MAGI2: variants seen among roughly 807,000 people sequenced by gnomAD.
MAGI2 encodes membrane associated guanylate kinase, WW and PDZ domain containing 2, also known as membrane-associated guanylate kinase, WW and PDZ domain-containing protein 2.
A neutral mutation model predicts 133.3 loss-of-function variants in MAGI2; 35 were observed. The ratio of observed to expected loss-of-function variants is 0.26; its 90% CI spans 0.20 to 0.35. MAGI2 has a LOEUF of 0.35. Ranked by LOEUF, MAGI2 falls within the 10% of genes least tolerant of loss-of-function variation. The pLI is 1.00. For synonymous variants in MAGI2, 729 were observed against 710.6 expected (o/e 1.03, Z -0.41); for missense variants, 1,636 against 1,863.4 (o/e 0.88, Z 2.25).
At chr7:78,183,141 T>C (rs1015738200) in intron 13 of MAGI2, among the ~76,000 whole-genome samples, 4 of 152,182 alleles carry the variant, frequency 2.6e-5, no homozygotes, top group African/African-American at 9.7e-5. Flanking sequence ...GTAAAGTTAA[T>C]AATATACCTT....
chr7:78,545,453 C>G (rs1227697426), intron 3 of MAGI2, among the ~76,000 whole-genome samples: 1 of 151,884 alleles, frequency 6.6e-6, no homozygotes, highest in Non-Finnish European at 1.5e-5. Flanking sequence ...CCTCAGTGAT[C>G]CACTCACCTC....
At chr7:78,675,060 A>G (rs1018807867) in intron 2 of MAGI2, among the ~76,000 whole-genome samples, 3 of 152,208 alleles carry the variant, frequency 2.0e-5, no homozygotes, top group African/African-American at 7.2e-5. Context: ...AAAAAACTTC[A>G]GAACTATAGA....
chr7:78,308,868 A>T (rs576377953), intron 9 of MAGI2, among the ~76,000 whole-genome samples: 4 of 152,242 alleles, frequency 2.6e-5, no homozygotes, highest in Admixed American at 6.5e-5. Context: ...TACATAGTTT[A>T]TCTGGTAATT....
intron 20 of MAGI2, among the ~76,000 whole-genome samples, chr7:78,095,772 A>G (rs1281181236): frequency 1.3e-5 from 2 of 152,172 alleles, no homozygotes; most frequent in African/African-American, 4.8e-5. Flanking sequence ...TGGCCTCACT[A>G]TTGGTGACTC....
At chr7:78,109,443 TA>T (rs1420222936) in intron 20 of MAGI2, among the ~76,000 whole-genome samples, 1 of 145,214 alleles carries the variant, frequency 6.9e-6, no homozygotes, top group Non-Finnish European at 1.5e-5. Flanking sequence ...CCATCCTGGC[TA>T]AAATGGTGAA....
At chr7:79,017,736 C>T (rs1808879463) in intron 1 of MAGI2, among the ~76,000 whole-genome samples, 1 of 152,114 alleles carries the variant, frequency 6.6e-6, no homozygotes, top group Admixed American at 6.5e-5. Flanking sequence ...ATTATATGAA[C>T]AAACTGATCT....
chr7:78,919,973 A>T (rs1799102989), intron 2 of MAGI2, among the ~76,000 whole-genome samples: 1 of 152,104 alleles, frequency 6.6e-6, no homozygotes, highest in African/African-American at 2.4e-5. Flanking sequence ...AAGAGGGATC[A>T]TATTTAGAGC....
intron 2 of MAGI2, among the ~76,000 whole-genome samples, chr7:78,965,985 A>G (rs1016364082): frequency 6.6e-6 from 1 of 151,964 alleles, no homozygotes; most frequent in Non-Finnish European, 1.5e-5. Context: ...AGTATTCAGG[A>G]TATAAGGCCC....
intron 1 of MAGI2, among the ~76,000 whole-genome samples, chr7:79,056,153 G>A (rs537580462): frequency 3.3e-5 from 5 of 152,204 alleles, no homozygotes; most frequent in East Asian, 1.9e-4. Flanking sequence ...CAGCCCTTTC[G>A]GGGGCTGAGG....
At chr7:79,368,505 A>C (rs1420286719) in intron 1 of MAGI2, among the ~76,000 whole-genome samples, 1 of 152,176 alleles carries the variant, frequency 6.6e-6, no homozygotes, top group Non-Finnish European at 1.5e-5. Context: ...TAGGGAAAAA[A>C]ATCATTTCCA....
At chr7:78,547,897 G>C (rs376110247) in intron 3 of MAGI2, among the ~76,000 whole-genome samples, 3 of 152,212 alleles carry the variant, frequency 2.0e-5, no homozygotes, top group African/African-American at 7.2e-5. Context: ...ATTCCCAATA[G>C]AGGGCACATT....
At chr7:78,854,858 C>CTTTTTTTT (rs143691490) in intron 2 of MAGI2, among the ~76,000 whole-genome samples, 1 of 149,982 alleles carries the variant, frequency 6.7e-6, no homozygotes. Context: ...ATGCATTACT[C>CTTTTTTTT]TTTTATTTTT....
intron 1 of MAGI2, among the ~76,000 whole-genome samples, chr7:79,016,461 C>G (rs1808741841): frequency 6.6e-6 from 1 of 152,104 alleles, no homozygotes; most frequent in South Asian, 2.1e-4. Context: ...GACCAGTAAA[C>G]AGCTCCAGTA....
intron 2 of MAGI2, among the ~76,000 whole-genome samples, chr7:79,003,111 G>T (rs111400177): frequency 7.2e-5 from 11 of 152,040 alleles, no homozygotes; most frequent in African/African-American, 2.7e-4. Flanking sequence ...CAAGCAGCAG[G>T]AAACAGGCTT....
At chr7:78,253,888 T>C (rs1792691312) in intron 10 of MAGI2, 1 of 152,174 alleles carries the variant, frequency 6.6e-6, no homozygotes. Flanking sequence ...TAGGCACTTC[T>C]GGTAGCCCAT....
intron 6 of MAGI2, among the ~76,000 whole-genome samples, chr7:78,482,870 C>T (rs1792545255): frequency 7.6e-6 from 1 of 131,036 alleles, no homozygotes. Context: ...GATATCATCA[C>T]ATGGAACTAC....
At chr7:78,266,570 G>A (rs918821042) in intron 9 of MAGI2, among the ~76,000 whole-genome samples, 1 of 146,346 alleles carries the variant, frequency 6.8e-6, no homozygotes, top group African/African-American at 2.5e-5. Flanking sequence ...ACGTAGAAGA[G>A]GGGGAAAAAA....
chr7:78,143,921 T>C (rs1033835041), intron 16 of MAGI2, among the ~76,000 whole-genome samples: 15 of 150,164 alleles, frequency 1.0e-4, no homozygotes, highest in African/African-American at 3.6e-4. Context: ...TATAGTCCTA[T>C]AAGTTTTTTT....
At chr7:78,317,534 T>C (rs1265950665) in intron 9 of MAGI2, among the ~76,000 whole-genome samples, 2 of 152,210 alleles carry the variant, frequency 1.3e-5, no homozygotes, top group Non-Finnish European at 2.9e-5. Flanking sequence ...TTAGAGCACC[T>C]GGGGGAAGGC....
Sources: gnomAD v4.1 joint callset for allele counts (sites outside exome capture counted in the v4.1 genomes callset) on GRCh38, gnomAD v4.1.1 for gene constraint, MANE v1.5 for transcripts, NCBI Gene and HGNC (gene_info 2026-07-23, HGNC 2026-07-21) for gene names.